Variants in FGF13 observed in about 807,000 individuals in gnomAD.
FGF13 encodes fibroblast growth factor homologous factor 2.
FGF13 carries 2 observed loss-of-function variants against 19.5 expected under a neutral mutation model. That is an observed-to-expected ratio of 0.10 (90% CI 0.04 to 0.32). The LOEUF is 0.32. FGF13 is among the 10% of genes least tolerant of loss of function. FGF13 has a pLI of 1.00. For synonymous variants in FGF13, 72 were observed against 76.9 expected (o/e 0.94, Z 0.33); for missense variants, 113 against 192.7 (o/e 0.59, Z 2.45).
At chrX:138,771,437 A>G (rs752012906) in intron 3 of FGF13, among the ~76,000 whole-genome samples, 2 of 111,638 alleles carry the variant, frequency 1.8e-5, no homozygotes, top group South Asian at 7.5e-4. Context: ...TTTTAGTACA[A>G]GTCTGTCCCA....
intron 1 of FGF13, among the ~76,000 whole-genome samples, chrX:138,890,203 A>G (rs760802407): frequency 1.8e-5 from 2 of 111,909 alleles, no homozygotes; most frequent in Admixed American, 1.9e-4. Flanking sequence ...TGCTAGGATT[A>G]CAGGTGTGAG....
chrX:138,976,725 A>G (rs755931353), intron 1 of FGF13, among the ~76,000 whole-genome samples: 12 of 35,888 alleles, frequency 3.3e-4, no homozygotes, highest in Admixed American at 4.8e-4. Flanking sequence ...ATATTTGTGC[A>G]AATTTTCTGC....
intron 1 of FGF13, among the ~76,000 whole-genome samples, chrX:138,933,946 C>G (rs2091718254): frequency 8.9e-6 from 1 of 111,931 alleles, no homozygotes; most frequent in South Asian, 3.7e-4. Context: ...AGTTATGAAC[C>G]CAGTATCCTA....
chrX:139,062,466 T>G (rs944882303), intron 1 of FGF13, among the ~76,000 whole-genome samples: 2 of 111,993 alleles, frequency 1.8e-5, no homozygotes, highest in Non-Finnish European at 1.9e-5. Context: ...TAGTATATTT[T>G]GAAGTAAGGT....
At chrX:139,004,437 TG>T (rs1412282254) in intron 1 of FGF13, among the ~76,000 whole-genome samples, 1 of 111,730 alleles carries the variant, frequency 9.0e-6, no homozygotes, top group African/African-American at 3.3e-5. Flanking sequence ...GCTGAGGGAG[TG>T]GGCTCCAGCC....
Position 138,836,115 on chromosome X carries a change from A to G in FGF13, c.217+21397T>C, listed in dbSNP as rs773030273. ...GCCTTTCTCTCTAGCTGCCTGTAAC[A>G]TTTTTTCTTTCATTTAGACCTTGGA... On this transcript the variant is annotated intron_variant, in intron 3 of 6. Coordinates refer to the FGF13 transcript ENST00000436198. 1.2e-4 allele frequency among the ~76,000 whole-genome samples: 13 copies of G among 110,651 alleles called. No homozygotes were observed. In the South Asian group the frequency reaches 5.0e-3, roughly 43 times the overall value.
chrX:138,897,908 T>C (rs1444961409), intron 1 of FGF13, among the ~76,000 whole-genome samples: 1 of 111,408 alleles, frequency 9.0e-6, no homozygotes, highest in African/African-American at 3.3e-5. Context: ...CTTTGTTTTA[T>C]CTTGATGAGG....
chrX:138,661,395 C>G (rs761193104), intron 3 of FGF13, among the ~76,000 whole-genome samples: 24 of 111,918 alleles, frequency 2.1e-4, no homozygotes, highest in Non-Finnish European at 4.1e-4. Flanking sequence ...CAAAGACTTA[C>G]GGCTAACGAA....
intron 1 of FGF13, among the ~76,000 whole-genome samples, chrX:138,865,462 TCTCTCTCTCTC>T (rs1252846684): frequency 4.3e-4 from 40 of 92,155 alleles, no homozygotes; most frequent in African/African-American, 1.8e-3. Flanking sequence ...TCTCTCTCTC[TCTCTCTCTCTC>T]CTCTCTCTCT....
At chrX:138,947,704 A>C (rs2091788894) in intron 1 of FGF13, among the ~76,000 whole-genome samples, 1 of 111,749 alleles carries the variant, frequency 8.9e-6, no homozygotes, top group Non-Finnish European at 1.9e-5. Context: ...TGATTGCAAA[A>C]TAATTTGATC....
chrX:138,874,414 G>A (rs192281912), intron 1 of FGF13, among the ~76,000 whole-genome samples: 1 of 110,583 alleles, frequency 9.0e-6, no homozygotes, highest in African/African-American at 3.3e-5. Context: ...GAGTTGCCTA[G>A]AGGGCAATTC....
chrX:138,870,713 T>A (rs1045279816), intron 1 of FGF13, among the ~76,000 whole-genome samples: 2 of 112,304 alleles, frequency 1.8e-5, no homozygotes, highest in Non-Finnish European at 3.8e-5. Context: ...AGCAGAGAGA[T>A]GAAAGGAAAG....
chrX:138,851,862 C>T (rs1569411298), intron 3 of FGF13, among the ~76,000 whole-genome samples: 1 of 112,036 alleles, frequency 8.9e-6, no homozygotes, highest in Non-Finnish European at 1.9e-5. Context: ...TAAGCAACTT[C>T]AGCAAAGTCT....
chrX:138,659,694 G>A (rs1308234894), intron 3 of FGF13, among the ~76,000 whole-genome samples: 2 of 112,269 alleles, frequency 1.8e-5, no homozygotes, highest in East Asian at 5.6e-4. Flanking sequence ...TGAAGAAAAT[G>A]TGGCACATAC....
At chrX:138,861,766 G>C (rs1310404265) in intron 2 of FGF13, among the ~76,000 whole-genome samples, 1 of 111,685 alleles carries the variant, frequency 9.0e-6, no homozygotes, top group Non-Finnish European at 1.9e-5. Flanking sequence ...ATTTTGGGAG[G>C]CCAAGGCAGG....
At chrX:138,778,656 G>A (rs1048776386) in intron 3 of FGF13, among the ~76,000 whole-genome samples, 4 of 112,197 alleles carry the variant, frequency 3.6e-5, no homozygotes, top group Admixed American at 9.4e-5. Flanking sequence ...CACCTGGCTC[G>A]GAGGGTGCTA....
chrX:139,006,371 CCAGA>C (rs2092101323), intron 1 of FGF13, among the ~76,000 whole-genome samples: 1 of 111,138 alleles, frequency 9.0e-6, no homozygotes. Flanking sequence ...AAAAACTTTC[CCAGA>C]CAAACAAAAG....
intron 1 of FGF13, among the ~76,000 whole-genome samples, chrX:139,186,972 T>A: frequency 8.9e-6 from 1 of 112,434 alleles, no homozygotes; most frequent in Admixed American, 9.4e-5. Flanking sequence ...ACAGCACTGG[T>A]CACACTGTAT....
chrX:139,064,281 C>CTTTTTTTTTTTTTTT (rs139084376), intron 1 of FGF13, among the ~76,000 whole-genome samples: 4 of 23,159 alleles, frequency 1.7e-4, no homozygotes, highest in Admixed American at 8.1e-4. Flanking sequence ...CTTTTTTTTT[C>CTTTTTTTTTTTTTTT]TTTTTTTTTT....
Sources: allele counts gnomAD v4.1 joint callset (sites outside exome capture counted in the v4.1 genomes callset), GRCh38; gene constraint gnomAD v4.1.1; transcripts MANE v1.5; gene names NCBI Gene and HGNC (gene_info 2026-07-23, HGNC 2026-07-21).